The following SLC9A6 variants were observed in gnomAD, a reference collection of about 807,000 sequenced individuals.
SLC9A6 encodes sodium/hydrogen exchanger 6.
In SLC9A6, 6 loss-of-function variants were observed where a neutral mutation model predicts 45.3. The ratio of observed to expected loss-of-function variants is 0.13; its 90% CI spans 0.07 to 0.26. The LOEUF is 0.26. Among genes scored for constraint, SLC9A6 ranks in the 10% least tolerant of loss-of-function variants. SLC9A6 has a pLI of 1.00. For synonymous variants in SLC9A6, 191 were observed against 187.7 expected, an observed-to-expected ratio of 1.02 and a Z score of -0.14; for missense variants, 278 against 503.7, an observed-to-expected ratio of 0.55 and a Z score of 4.29.
At chrX:136,042,378 A>G (rs1016922788) in intron 17 of SLC9A6, among the ~76,000 whole-genome samples, 1 of 110,953 alleles carries the variant, frequency 9.0e-6, no homozygotes, top group Non-Finnish European at 1.9e-5. Flanking sequence ...AGGTTTCGCC[A>G]TGTCAGCCAG....
At chrX:136,026,301 C>T (rs1422012686) in intron 13 of SLC9A6, among the ~76,000 whole-genome samples, 2 of 111,768 alleles carry the variant, frequency 1.8e-5, no homozygotes, top group Non-Finnish European at 3.8e-5. Context: ...GTTCTTGCCC[C>T]TTCACTGATG....
intron 14 of SLC9A6, chrX:136,029,756 G>A (rs1240472732): frequency 1.8e-5 from 4 of 226,788 alleles, no homozygotes; most frequent in Admixed American, 6.4e-5. Flanking sequence ...GCTGCGAAGT[G>A]AATTGCACTG....
chrX:135,991,030 A>G (rs1238243030), intron 2 of SLC9A6, among the ~76,000 whole-genome samples: 3 of 111,764 alleles, frequency 2.7e-5, no homozygotes, highest in African/African-American at 9.8e-5. Flanking sequence ...TGTCAAGTGC[A>G]GTTGCTATCT....
At chrX:136,012,216 GCTT>G (rs1484580600) in intron 8 of SLC9A6, among the ~76,000 whole-genome samples, 7 of 113,278 alleles carry the variant, frequency 6.2e-5, no homozygotes, top group African/African-American at 2.2e-4. Context: ...GCTGGAAGAG[GCTT>G]CTTTTATGGC....
At chrX:136,042,616 G>A (rs2071533779) in intron 17 of SLC9A6, among the ~76,000 whole-genome samples, 2 of 112,135 alleles carry the variant, frequency 1.8e-5, no homozygotes, top group East Asian at 2.8e-4. Context: ...TGCAGTCCTC[G>A]AGGCAGTCTT....
chrX:135,993,500 A>G (rs934394821), intron 2 of SLC9A6, among the ~76,000 whole-genome samples: 14 of 112,244 alleles, frequency 1.2e-4, no homozygotes, highest in Non-Finnish European at 3.8e-5. Context: ...ATATAGTTTT[A>G]TAGGGCTGGG....
At chrX:135,996,394 C>T (rs1312834667) in intron 3 of SLC9A6, among the ~76,000 whole-genome samples, 1 of 111,307 alleles carries the variant, frequency 9.0e-6, no homozygotes, top group African/African-American at 3.3e-5. Context: ...TGAGGTTTAC[C>T]TTGCAGCAGG....
At chrX:135,978,108 T>G (rs1343745541) in intron 1 of SLC9A6, among the ~76,000 whole-genome samples, 1 of 112,555 alleles carries the variant, frequency 8.9e-6, no homozygotes, top group Non-Finnish European at 1.9e-5. Context: ...TTACACATAG[T>G]AAACACTAAG....
intron 10 of SLC9A6, among the ~76,000 whole-genome samples, chrX:136,014,312 T>G (rs2148175774): frequency 9.0e-6 from 1 of 111,466 alleles, no homozygotes; most frequent in Admixed American, 9.5e-5. Context: ...CCCCAGCCCC[T>G]CAAAAGAGAT....
chrX:135,985,844 T>G lies in SLC9A6; in HGVS notation c.169+17T>G. ...TGATTTATGGCAAGTTCCTCAACCC[T>G]TGTCAGCCCCTTGGCGCTGCCCCTT... On this transcript the variant is annotated intron_variant, in intron 2 of 17. Coordinates refer to ENST00000630721, the MANE Select transcript of SLC9A6 (RefSeq NM_001379110.1). 1 of 1,209,752 alleles carries G rather than the reference T, an allele frequency of 8.3e-7. No individual in the cohort carries two copies. Among genetic ancestry groups the G allele is most frequent in the Non-Finnish European group, 1.1e-6 (1 of 895,096 alleles).
At position 136,040,149 on chromosome X, in the gene SLC9A6, G is replaced by A. The variant is rs782109482; in HGVS notation, c.1735G>A (p.Ala579Thr). The A allele has an allele frequency of 5.8e-6, 7 of 1,210,182 alleles. No homozygotes were observed. The highest frequency in any genetic ancestry group is 2.2e-5 in the Admixed American group (1 of 46,017). ...TTLPACCGPI[A>T]RCLTSPQAYE... ...ACTCCCTGCCTGCTGTGGACCCATCGCCAGGTGCCTCACCAGCCCCCAGGC... is the reference window on the plus strand; with the variant it reads ...ACTCCCTGCCTGCTGTGGACCCATCACCAGGTGCCTCACCAGCCCCCAGGC... Residue 579 changes from alanine (A) to threonine (T), a missense_variant, in exon 17 of 18, where the codon GCC becomes ACC. This residue lies in a region of SLC9A6 where 91 missense variants were observed against 125.1 expected (regional missense o/e 0.73). Transcript: ENST00000630721.
intron 7 of SLC9A6, among the ~76,000 whole-genome samples, chrX:136,004,686 A>G (rs1452909367): frequency 9.0e-6 from 1 of 111,628 alleles, no homozygotes; most frequent in Non-Finnish European, 1.9e-5. Context: ...TGTGAATGCA[A>G]TGTATGTAAA....
chrX:135,985,504 T>A lies in SLC9A6; in HGVS notation c.-57+27T>A, dbSNP rs1006154022. 8 of 1,095,444 alleles carry A rather than the reference T, an allele frequency of 7.3e-6. No individual in the cohort carries two copies. Among genetic ancestry groups the A allele is most frequent in the Non-Finnish European group, 9.5e-6 (8 of 843,471 alleles). The allele number at this position is 1,095,444 out of a possible 1,213,427, so 90.3% of individuals were successfully genotyped here. On this transcript the variant is annotated intron_variant, in intron 1 of 17. Coordinates refer to ENST00000630721, the MANE Select transcript of SLC9A6 (RefSeq NM_001379110.1). ...TAGGGGCGGGAGGCGGGGGGAGACATGGCTCGGCGCGGCTGGCGGCGGGCA... is the reference window on the plus strand; with the variant it reads ...TAGGGGCGGGAGGCGGGGGGAGACAAGGCTCGGCGCGGCTGGCGGCGGGCA...
Position 135,985,446 on chromosome X carries a change from G to T in SLC9A6, c.-88G>T. The T allele has an allele frequency of 1.1e-6, 1 of 904,102 alleles. No individual in the cohort carries two copies. The highest frequency in any genetic ancestry group is 1.4e-6 in the Non-Finnish European group (1 of 695,534). 74.5% of individuals were successfully genotyped at this position (904,102 alleles called of 1,213,427 possible). On this transcript the variant is annotated 5_prime_UTR_variant, in exon 1 of 18. Coordinates refer to ENST00000630721, the MANE Select transcript of SLC9A6 (RefSeq NM_001379110.1). ...CGCCCCTTTCCCGTGAGCCCTCGGGGAGTGGTCCGACCGCGGGCGGCCGCC... is the reference window on the plus strand; with the variant it reads ...CGCCCCTTTCCCGTGAGCCCTCGGGTAGTGGTCCGACCGCGGGCGGCCGCC...
chrX:136,042,774 A>G (rs2071536690), intron 17 of SLC9A6, among the ~76,000 whole-genome samples: 1 of 111,047 alleles, frequency 9.0e-6, no homozygotes, highest in Non-Finnish European at 1.9e-5. Flanking sequence ...CTGACACATC[A>G]TGGATACCTT....
Position 136,002,854 on chromosome X carries a change from G to A in SLC9A6, c.743+641G>A, listed in dbSNP as rs781917324. 9.7e-4 allele frequency among the ~76,000 whole-genome samples: 108 copies of A among 111,167 alleles called. 1 individual carries two copies. The highest frequency in any genetic ancestry group is 3.5e-3 in the African/African-American group (106 of 30,633). On this transcript the variant is annotated intron_variant, in intron 7 of 17. Coordinates refer to ENST00000630721, the MANE Select transcript of SLC9A6 (RefSeq NM_001379110.1). ...ATTACAGGCGTGAGCCACTGTGCCC[G>A]GCCTTAATTTTTTCTGAATACATAA...
At chrX:136,041,141 A>C (rs781931275) in intron 17 of SLC9A6, among the ~76,000 whole-genome samples, 34 of 111,699 alleles carry the variant, frequency 3.0e-4, no homozygotes, top group Non-Finnish European at 5.3e-4. Flanking sequence ...AAGAAAAAGA[A>C]AAAGCCTTCC....
intron 13 of SLC9A6, among the ~76,000 whole-genome samples, chrX:136,026,537 G>GTT (rs1225164359): frequency 1.8e-5 from 2 of 109,756 alleles, no homozygotes; most frequent in Non-Finnish European, 3.8e-5. Flanking sequence ...CAACTCAGTG[G>GTT]TTCTTTTTTT....
intron 16 of SLC9A6, 60 bp from the exon 17 acceptor site, chrX:136,040,016 A>G: frequency 1.1e-6 from 1 of 935,949 alleles, no homozygotes; most frequent in Non-Finnish European, 1.5e-6. Context: ...ATTATTATCA[A>G]ACGAGTTGCT....
Sources: allele counts gnomAD v4.1 joint callset (sites outside exome capture counted in the v4.1 genomes callset), GRCh38; gene constraint gnomAD v4.1.1; regional missense constraint gnomAD v4.1.1; transcripts MANE v1.5; gene names NCBI Gene and HGNC (gene_info 2026-07-23, HGNC 2026-07-21).